RRP12: variants seen among roughly 807,000 people sequenced by gnomAD.
RRP12 encodes the protein RRP12-like protein.
Under a neutral mutation model 157.3 loss-of-function variants are expected in RRP12, and 78 were observed. That is an observed-to-expected ratio of 0.50 (90% CI 0.41 to 0.60). The LOEUF is 0.60. RRP12 is among the 20% of genes least tolerant of loss of function. The pLI is 0.00. For synonymous variants in RRP12, 726 were observed against 670.9 expected, an observed-to-expected ratio of 1.08 and a Z score of -1.27; for missense variants, 1,521 against 1,679.9, an observed-to-expected ratio of 0.91 and a Z score of 1.65.
At position 97,390,358 on chromosome 10, in the gene RRP12, G is replaced by A. The variant is rs1844767154; in HGVS notation, c.753+65C>T. 12 of 1,251,362 alleles carry A rather than the reference G, an allele frequency of 9.6e-6. No homozygotes were observed. In the South Asian group the frequency reaches 1.4e-4, roughly 15 times the overall value. The allele number at this position is 1,251,362 out of a possible 1,614,324, so 77.5% of individuals were successfully genotyped here. ...CAGTGCCACTCAGCTAGCCAAGTCT[G>A]GGCTGCACTGGGCTGAGTGGTGGCT... On this transcript the variant is annotated intron_variant, in intron 6 of 33. Transcript: ENST00000370992.
Position 97,400,494 on chromosome 10 carries a change from A to C in RRP12, c.180T>G (p.Asn60Lys). The C allele has an allele frequency of 1.2e-6, 2 of 1,614,046 alleles. No individual in the cohort carries two copies. The highest frequency in any genetic ancestry group is 1.7e-6 in the Non-Finnish European group (2 of 1,180,010). The change falls in exon 2 of 34, where the codon AAT becomes AAG. Residue 60 changes from asparagine to lysine, a missense_variant. By Grantham distance (94) the Asn-to-Lys change is moderately conservative. Transcript: ENST00000370992. ...AGCGCAAGGACCCTGACTGCAGCTC[A>C]TTATGTAACTTCACAGCATCGACTG... is the stretch of plus-strand genomic sequence containing the variant. ...DLTVDAVKLH[N>K]ELQSGSLRLG...
chr10:97,378,936 C>T (rs1250100148), intron 15 of RRP12, among the ~76,000 whole-genome samples: 1 of 152,138 alleles, frequency 6.6e-6, no homozygotes, highest in African/African-American at 2.4e-5. Flanking sequence ...TATAAACAAA[C>T]ATATCACAAA....
At position 97,373,753 on chromosome 10, in the gene RRP12, A is replaced by T. The variant is rs368578803; in HGVS notation, c.1864-16T>A. The stretch of plus-strand genomic sequence containing the variant: ...GTGTCCACATCTGGAGAAGGAGGGG[A>T]CAATAAAGGAAGGTGACACGCAGCC... On this transcript the variant is annotated splice_polypyrimidine_tract_variant and intron_variant, in intron 16 of 33. Coordinates refer to ENST00000370992, the MANE Select transcript of RRP12 (RefSeq NM_015179.4). 1.9e-6 allele frequency: 3 copies of T among 1,612,246 alleles called. No homozygotes were observed. Among genetic ancestry groups the T allele is most frequent in the Non-Finnish European group, 2.5e-6 (3 of 1,178,510 alleles).
chr10:97,381,362 C>T, intron 12 of RRP12, 24 bp downstream of exon 12: 4 of 1,553,790 alleles, frequency 2.6e-6, no homozygotes, highest in Non-Finnish European at 3.5e-6. Context: ...CCATCCCTTC[C>T]TAACATGGAC....
Position 97,400,487 on chromosome 10 carries a change from G to A in RRP12, c.187C>T (p.Gln63Ter), listed in dbSNP as rs1416761338. ...VDAVKLHNEL[Q>*]SGSLRLGKSE... is the part of the protein sequence containing the mutation. The stretch of plus-strand genomic sequence containing the variant: ...TTGCCCAAGCGCAAGGACCCTGACT[G>A]CAGCTCATTATGTAACTTCACAGCA... The change falls in exon 2 of 34, where the codon CAG becomes TAG. Residue 63 changes from glutamine to a stop codon, truncating the protein, a stop_gained. Transcript: ENST00000370992. LOFTEE classifies it high-confidence loss of function. 1.9e-6 allele frequency: 3 copies of A among 1,614,102 alleles called. No homozygotes were observed. The highest frequency in any genetic ancestry group is 2.5e-6 in the Non-Finnish European group (3 of 1,180,020).
At chr10:97,358,145 C>CTGACA (rs1564745880) in intron 33 of RRP12, among the ~76,000 whole-genome samples, 6 of 151,564 alleles carry the variant, frequency 4.0e-5, no homozygotes, top group Non-Finnish European at 8.8e-5. Context: ...CCATCCCAGC[C>CTGACA]AACGCGGTGA....
intron 2 of RRP12, among the ~76,000 whole-genome samples, chr10:97,397,263 C>T (rs1005866322): frequency 1.3e-5 from 2 of 152,004 alleles, no homozygotes; most frequent in African/African-American, 2.4e-5. Context: ...CGGGTTCAAG[C>T]GATTCTCCTG....
intron 13 of RRP12, 36 bp downstream of exon 13, chr10:97,380,763 C>T (rs1482558601): frequency 1.4e-6 from 2 of 1,475,962 alleles, no homozygotes; most frequent in Non-Finnish European, 1.9e-6. Context: ...GAGCCAGCAC[C>T]ACTTCCTGCC....
At position 97,356,995 on chromosome 10, in the gene RRP12, C is replaced by A; in HGVS notation, c.*99G>T. On this transcript the variant is annotated 3_prime_UTR_variant, in exon 34 of 34. Coordinates refer to ENST00000370992, the MANE Select transcript of RRP12 (RefSeq NM_015179.4). ...AGTTCCAAGTCATCCTGAGTCCAGG[C>A]TCTGCCAGAATCTTGAGCACCTGGA... 1.4e-6 allele frequency: 1 copy of A among 690,258 alleles called. No homozygotes were observed. 42.8% of individuals were successfully genotyped at this position (690,258 alleles called of 1,614,324 possible). A position where few individuals can be genotyped will look rare whatever the true frequency, so the allele number is the denominator to read the frequency against.
chr10:97,392,263 A>G (rs1844829070), intron 4 of RRP12, among the ~76,000 whole-genome samples: 1 of 151,526 alleles, frequency 6.6e-6, no homozygotes, highest in Admixed American at 6.6e-5. Flanking sequence ...GTGTCACCAC[A>G]CCCAGCCAAG....
Position 97,400,446 on chromosome 10 carries a change from C to T in RRP12, c.228G>A (p.Glu76=). 2 of 1,614,150 alleles carry T rather than the reference C, an allele frequency of 1.2e-6. No individual in the cohort carries two copies. The highest frequency in any genetic ancestry group is 1.7e-6 in the Non-Finnish European group (2 of 1,180,032). The stretch of plus-strand genomic sequence containing the variant: ...GCTCCGCCTCTTCTTCCATGGGCGT[C>T]TCCGGGGCTTCGCTTTTGCCCAAGC... ...SLRLGKSEAP[E]TPMEEEAELV... Residue 76 remains glutamate, a synonymous_variant, in exon 2 of 34, where the codon GAG becomes GAA. Coordinates refer to ENST00000370992, the MANE Select transcript of RRP12 (RefSeq NM_015179.4).
intron 10 of RRP12, among the ~76,000 whole-genome samples, chr10:97,384,804 C>A (rs1461505258): frequency 6.6e-6 from 1 of 151,078 alleles, no homozygotes; most frequent in South Asian, 2.1e-4. Context: ...TGGACAGAGG[C>A]TCTGAGAACT....
At chr10:97,384,763 G>GACAC in intron 10 of RRP12, among the ~76,000 whole-genome samples, 1 of 146,892 alleles carries the variant, frequency 6.8e-6, no homozygotes, top group South Asian at 2.2e-4. Flanking sequence ...AGCCAGGATG[G>GACAC]AGACCCTGAG....
intron 2 of RRP12, among the ~76,000 whole-genome samples, chr10:97,399,290 G>C (rs1032465376): frequency 2.0e-5 from 3 of 152,028 alleles, no homozygotes; most frequent in Admixed American, 2.0e-4. Context: ...AAAATAAAAA[G>C]ATGAATTTAT....
At position 97,370,263 on chromosome 10, in the gene RRP12, A is replaced by T; in HGVS notation, c.2701T>A (p.Cys901Ser). Residue 901 changes from cysteine (C) to serine (S), a missense_variant, in exon 24 of 34, where the codon TGC (cysteine) becomes AGC (serine). Physicochemically the swap from Cys to Ser is moderately radical, Grantham distance 112. Transcript: ENST00000370992. ...FGSNQEEALQ[C>S]YLVLIYPGLV... ...CCAGGGTAGATCAGGACGAGGTAGC[A>T]CTGCAGGGCCTCTGGGGACAGAGAC... The T allele has an allele frequency of 6.3e-7, 1 of 1,595,160 alleles. No individual in the cohort carries two copies. Among genetic ancestry groups the T allele is most frequent in the East Asian group, 2.3e-5 (1 of 44,258 alleles).
At position 97,366,103 on chromosome 10, in the gene RRP12, C is replaced by T; in HGVS notation, c.3517+5G>A. On this transcript the variant is annotated splice_donor_5th_base_variant and intron_variant, in intron 29 of 33. Coordinates refer to ENST00000370992, the MANE Select transcript of RRP12 (RefSeq NM_015179.4). ...TGAATGAATGGACAAGCGCGTTGGGCCCACCTTTGGCACCTTCCTCTTCCT... is the reference window on the plus strand; with the variant it reads ...TGAATGAATGGACAAGCGCGTTGGGTCCACCTTTGGCACCTTCCTCTTCCT... 1 of 1,601,900 alleles carries T rather than the reference C, an allele frequency of 6.2e-7. No homozygotes were observed. The highest frequency in any genetic ancestry group is 8.5e-7 in the Non-Finnish European group (1 of 1,179,888).
chr10:97,398,039 ATTTTTTTTTT>A (rs1184698036), intron 2 of RRP12, among the ~76,000 whole-genome samples: 1 of 56,028 alleles, frequency 1.8e-5, no homozygotes, highest in African/African-American at 8.7e-5. Context: ...ATATATACGT[ATTTTTTTTTT>A]TTTTTTTTTT....
intron 2 of RRP12, among the ~76,000 whole-genome samples, chr10:97,398,905 C>A (rs544495629): frequency 6.6e-6 from 1 of 152,028 alleles, no homozygotes; most frequent in African/African-American, 2.4e-5. Flanking sequence ...AAAAATAATG[C>A]TGTAGTAAAA....
chr10:97,357,274 C>T, intron 33 of RRP12, 78 bp from the exon 34 acceptor site: 1 of 894,964 alleles, frequency 1.1e-6, no homozygotes, highest in Non-Finnish European at 1.8e-6. Flanking sequence ...GATGGCTCAC[C>T]CCCAGCGCCA....
Sources: gnomAD v4.1 joint callset for allele counts (sites outside exome capture counted in the v4.1 genomes callset) on GRCh38, gnomAD v4.1.1 for gene constraint, MANE v1.5 for transcripts, NCBI Gene and HGNC (gene_info 2026-07-23, HGNC 2026-07-21) for gene names.